SLIT3: variants seen among roughly 807,000 people sequenced by gnomAD.
SLIT3 encodes slit homolog 3 protein.
A neutral mutation model predicts 184.0 loss-of-function variants in SLIT3; 68 were observed. The ratio of observed to expected loss-of-function variants is 0.37; its 90% CI spans 0.30 to 0.45. The LOEUF is 0.45. SLIT3 is among the 20% of genes least tolerant of loss of function. The pLI, the probability that SLIT3 is intolerant of heterozygous loss-of-function variation, is 1.00. For synonymous variants in SLIT3, 831 were observed against 828.6 expected, an observed-to-expected ratio of 1.00 and a Z score of -0.05; for missense variants, 1,707 against 2,026.0, an observed-to-expected ratio of 0.84 and a Z score of 3.02.
intron 32 of SLIT3, among the ~76,000 whole-genome samples, chr5:168,673,829 T>C (rs1392747018): frequency 6.6e-6 from 1 of 152,222 alleles, no homozygotes; most frequent in Non-Finnish European, 1.5e-5. Flanking sequence ...AGGTATTGCA[T>C]TTGGCTATCA....
At chr5:168,865,207 AG>A (rs1405824501) in intron 5 of SLIT3, among the ~76,000 whole-genome samples, 1 of 151,582 alleles carries the variant, frequency 6.6e-6, no homozygotes, top group African/African-American at 2.4e-5. Context: ...AACATGGATA[AG>A]GAAAAAAAAT....
chr5:168,775,772 T>C (rs1755724909), intron 12 of SLIT3, among the ~76,000 whole-genome samples: 1 of 152,086 alleles, frequency 6.6e-6, no homozygotes, highest in Admixed American at 6.5e-5. Flanking sequence ...TTCCTATCCA[T>C]GAGGAAGCTG....
chr5:168,672,241 G>A (rs1761276202), intron 33 of SLIT3, among the ~76,000 whole-genome samples: 1 of 152,046 alleles, frequency 6.6e-6, no homozygotes, highest in Non-Finnish European at 1.5e-5. Flanking sequence ...TCCCTTCTGG[G>A]GCTGCCCTCG....
At chr5:169,137,226 C>T (rs1036931854) in intron 4 of SLIT3, among the ~76,000 whole-genome samples, 2 of 151,960 alleles carry the variant, frequency 1.3e-5, no homozygotes, top group East Asian at 1.9e-4. Context: ...CTTACAAGGA[C>T]ATTTCCTCAT....
chr5:169,260,864 G>C (rs189694923), intron 1 of SLIT3, among the ~76,000 whole-genome samples: 16 of 152,272 alleles, frequency 1.1e-4, no homozygotes, highest in African/African-American at 3.8e-4. Flanking sequence ...AGAAATAAAG[G>C]AGTAATTACC....
intron 12 of SLIT3, among the ~76,000 whole-genome samples, chr5:168,782,995 A>G (rs560456387): frequency 6.6e-6 from 1 of 152,228 alleles, no homozygotes; most frequent in Non-Finnish European, 1.5e-5. Context: ...GATGTTTAGT[A>G]TAAGAAAGAG....
At chr5:169,005,793 CT>C (rs1755899638) in intron 4 of SLIT3, among the ~76,000 whole-genome samples, 1 of 152,208 alleles carries the variant, frequency 6.6e-6, no homozygotes, top group African/African-American at 2.4e-5. Flanking sequence ...GTACTTGTGC[CT>C]TTGGCACTCT....
In SLIT3 at chr5:169,146,717, C is replaced by T. The variant is rs1761939801; in HGVS notation, c.413+46762G>A. Among the ~76,000 whole-genome samples, 8 of 152,334 alleles carry T rather than the reference C, an allele frequency of 5.3e-5. No homozygotes were observed. In the South Asian group the frequency reaches 1.7e-3, roughly 32 times the overall value. On this transcript the variant is annotated intron_variant, in intron 4 of 35. Transcript: ENST00000519560. The stretch of plus-strand genomic sequence containing the variant: ...TGTGCCAAACACCCAGCTCACAGAG[C>T]CCCCCTTCTTCCTTCAAACCAATAT...
chr5:168,865,940 T>C (rs1759283196), intron 5 of SLIT3, among the ~76,000 whole-genome samples: 1 of 152,264 alleles, frequency 6.6e-6, no homozygotes, highest in Admixed American at 6.5e-5. Flanking sequence ...GATTTTTTAA[T>C]GGTTTAATTC....
At position 168,712,320 on chromosome 5, in the gene SLIT3, C is replaced by T; in HGVS notation, c.2518G>A (p.Glu840Lys). ...GATGTGAGGTCGTTGAAGGAGCCTT[C>T]AGGAACGCTGGAAATGTCATTGCCA... Reference protein sequence around the residue: ...LHGNDISSVPEGSFNDLTSLS... With the variant: ...LHGNDISSVPKGSFNDLTSLS... The change falls in exon 24 of 36, where the codon GAA (glutamate) becomes AAA (lysine). Residue 840 changes from glutamate to lysine, a missense_variant. Transcript: ENST00000519560. 6.2e-7 allele frequency: 1 copy of T among 1,614,196 alleles called. No homozygotes were observed. The highest frequency in any genetic ancestry group is 8.5e-7 in the Non-Finnish European group (1 of 1,180,024).
intron 23 of SLIT3, among the ~76,000 whole-genome samples, chr5:168,721,767 T>C (rs985333010): frequency 3.3e-5 from 5 of 152,202 alleles, no homozygotes; most frequent in African/African-American, 1.2e-4. Flanking sequence ...TGCTAACTAA[T>C]AGCTGTCTGT....
chr5:168,849,665 C>T (rs1758602148), intron 5 of SLIT3, among the ~76,000 whole-genome samples: 2 of 152,136 alleles, frequency 1.3e-5, no homozygotes, highest in Non-Finnish European at 1.5e-5. Context: ...AAAGTTGCCA[C>T]CTCTGGTTTT....
At chr5:169,162,060 C>T (rs1762498828) in intron 4 of SLIT3, among the ~76,000 whole-genome samples, 1 of 152,186 alleles carries the variant, frequency 6.6e-6, no homozygotes, top group South Asian at 2.1e-4. Flanking sequence ...AGTTAATTTT[C>T]ACAACAACTT....
chr5:169,108,088 T>G (rs887830899), intron 4 of SLIT3, among the ~76,000 whole-genome samples: 1 of 152,366 alleles, frequency 6.6e-6, no homozygotes, highest in South Asian at 2.1e-4. Context: ...GTAGGAGCCC[T>G]GCTTGTTTTT....
rs140343061 is a variant in SLIT3 at position 168,857,821 on chromosome 5, G to A, written c.486-13166C>T. The stretch of plus-strand genomic sequence containing the variant: ...ATGTGGTATTAACTTCTACCAAAGC[G>A]CTCCACGGAAAACCACCGAGCTTAA... On this transcript the variant is annotated intron_variant, in intron 5 of 35. Coordinates refer to ENST00000519560, the MANE Select transcript of SLIT3 (RefSeq NM_003062.4). 9.1e-4 allele frequency among the ~76,000 whole-genome samples: 139 copies of A among 152,262 alleles called. 1 individual carries two copies. In the East Asian group the frequency reaches 0.013, roughly 14 times the overall value.
At chr5:169,066,320 A>G (rs1758347239) in intron 4 of SLIT3, among the ~76,000 whole-genome samples, 1 of 152,244 alleles carries the variant, frequency 6.6e-6, no homozygotes, top group Non-Finnish European at 1.5e-5. Flanking sequence ...AAGTAGGACC[A>G]TCTGAATCCT....
At chr5:168,868,163 A>T (rs2974437) in intron 5 of SLIT3, among the ~76,000 whole-genome samples, 119,341 of 152,218 alleles carry the variant, frequency 0.78, 47,245 homozygotes, top group African/African-American at 0.88. Context: ...TGTAAGATAA[A>T]CTCTGTGTGC....
chr5:168,979,182 T>A (rs1230800965), intron 4 of SLIT3, among the ~76,000 whole-genome samples: 1 of 152,196 alleles, frequency 6.6e-6, no homozygotes, highest in Non-Finnish European at 1.5e-5. Flanking sequence ...TCAAAGAATC[T>A]CATGCTTCGG....
Position 169,300,835 on chromosome 5 carries a change from C to A in SLIT3, c.-126G>T, listed in dbSNP as rs1581154767. The A allele has an allele frequency of 1.0e-6, 1 of 1,003,690 alleles. No individual in the cohort carries two copies. The highest frequency in any genetic ancestry group is 1.3e-6 in the Non-Finnish European group (1 of 788,552). 62.2% of individuals were successfully genotyped at this position (1,003,690 alleles called of 1,614,324 possible). On this transcript the variant is annotated 5_prime_UTR_variant, in exon 1 of 36. Coordinates refer to ENST00000519560, the MANE Select transcript of SLIT3 (RefSeq NM_003062.4). This position sits in a 1 kb window ranked among gnomAD's most constrained non-coding sequence, Gnocchi z 4.1. Reference sequence around the variant, plus strand: ...CGGCGGAGTTAGCGCGGAGGAGGGGCGAGCTCGGTGCTCAGGCGCACGGGG... The same window carrying A: ...CGGCGGAGTTAGCGCGGAGGAGGGGAGAGCTCGGTGCTCAGGCGCACGGGG...
Sources: allele counts gnomAD v4.1 joint callset (sites outside exome capture counted in the v4.1 genomes callset), GRCh38; gene constraint gnomAD v4.1.1; non-coding constraint Gnocchi (gnomAD v3.1); transcripts MANE v1.5; gene names NCBI Gene and HGNC (gene_info 2026-07-23, HGNC 2026-07-21).